Variants in CAMSAP2 observed in about 807,000 individuals in gnomAD.
The protein encoded by CAMSAP2 is calmodulin-regulated spectrin-associated protein 2.
Under a neutral mutation model 146.1 loss-of-function variants are expected in CAMSAP2, and 26 were observed. The observed-to-expected ratio is 0.18, with a 90% confidence interval of 0.13 to 0.25. The LOEUF (loss-of-function observed/expected upper bound fraction) is 0.25. CAMSAP2 is among the 10% of genes least tolerant of loss of function. CAMSAP2 has a pLI of 1.00. For missense variants in CAMSAP2, 1,381 were observed against 1,759.3 expected (o/e 0.78, Z 3.85); for synonymous variants, 499 against 596.6 (o/e 0.84, Z 2.38).
intron 3 of CAMSAP2, among the ~76,000 whole-genome samples, chr1:200,813,610 C>A (rs1666394594): frequency 1.3e-5 from 2 of 152,106 alleles, no homozygotes; most frequent in South Asian, 4.1e-4. Context: ...GTTGAATGTG[C>A]ACATACATGA....
chr1:200,807,609 C>A (rs1666214234), intron 3 of CAMSAP2, 72 bp downstream of exon 3: 5 of 1,035,954 alleles, frequency 4.8e-6, no homozygotes, highest in Non-Finnish European at 6.5e-6. Context: ...TATACATTGC[C>A]ACTTCATTAC....
chr1:200,843,007 G>T (rs1453286157), intron 7 of CAMSAP2, among the ~76,000 whole-genome samples: 1 of 151,484 alleles, frequency 6.6e-6, no homozygotes, highest in Non-Finnish European at 1.5e-5. Flanking sequence ...AAAACTAGAG[G>T]TTTATTTCTA....
rs901478330 is a variant in CAMSAP2 at position 200,747,986 on chromosome 1, C to CAAAAA, written c.139+8035_139+8039dup. Among the ~76,000 whole-genome samples the CAAAAA allele has an allele frequency of 2.0e-3, 139 of 68,784 alleles. 1 individual carries two copies. Among genetic ancestry groups the CAAAAA allele is most frequent in the African/African-American group, 6.0e-3 (125 of 21,006 alleles). 45.1% of individuals were successfully genotyped at this position (68,784 alleles called of 152,430 possible). On this transcript the variant is annotated intron_variant, in intron 1 of 16. Transcript: ENST00000358823. ...TGGGCGACAGAGCGAGACTCCGTCTCAAAAAAAAAAAAAAAAAAAGAAAAT... is the reference window on the plus strand; with the variant it reads ...TGGGCGACAGAGCGAGACTCCGTCTCAAAAAAAAAAAAAAAAAAAAAAAAGAAAAT...
chr1:200,849,604 T>C lies in CAMSAP2; in HGVS notation c.2835T>C (p.Ile945=). The C allele has an allele frequency of 6.2e-7, 1 of 1,614,200 alleles. No homozygotes were observed. The highest frequency in any genetic ancestry group is 8.5e-7 in the Non-Finnish European group (1 of 1,180,032). The change falls in exon 11 of 17, where the codon ATT becomes ATC. Residue 945 remains isoleucine (I), a synonymous_variant. Transcript: ENST00000358823. This position sits in a 1 kb window ranked among gnomAD's most constrained non-coding sequence, Gnocchi z 6.3. ...PSKQAGLSSA[I]APFSSDSPRP... is the part of the protein sequence containing the mutation. ...AGCAGGCAGGCCTGTCATCAGCCAT[T>C]GCACCATTCTCCTCAGACTCCCCTC...
rs1054379541 is a variant in CAMSAP2, at chr1:200,859,163, C to T, written c.*1104C>T. 1.3e-5 allele frequency: 2 copies of T among 152,622 alleles called. No homozygotes were observed. The highest frequency in any genetic ancestry group is 1.3e-4 in the Admixed American group (2 of 15,276). 9.5% of individuals were successfully genotyped at this position (152,622 alleles called of 1,614,324 possible). ...AATAAGTATACACTTGAAATCTCCT[C>T]TACATGATCTTTGTTCTTTAACAGT... On this transcript the variant is annotated 3_prime_UTR_variant, in exon 17 of 17. Transcript: ENST00000358823.
intron 1 of CAMSAP2, among the ~76,000 whole-genome samples, chr1:200,747,884 G>A (rs1444421811): frequency 6.6e-6 from 1 of 151,800 alleles, no homozygotes; most frequent in Non-Finnish European, 1.5e-5. Context: ...CTACTTGGGA[G>A]GCTGAGGCAG....
Position 200,858,122 on chromosome 1 carries a change from T to C in CAMSAP2, c.*63T>C. 2.2e-6 allele frequency: 3 copies of C among 1,380,912 alleles called. No individual in the cohort carries two copies. The highest frequency in any genetic ancestry group is 2.9e-6 in the Non-Finnish European group (3 of 1,019,992). The allele number at this position is 1,380,912 out of a possible 1,614,324, so 85.5% of individuals were successfully genotyped here. A position where few individuals can be genotyped will look rare whatever the true frequency, so the allele number is the denominator to read the frequency against. Reference sequence around the variant, plus strand: ...ATTTGCACTTCATCTTTCCTGCCTATAGAAAATCTTTCTAATTGCCAACAA... The same window carrying C: ...ATTTGCACTTCATCTTTCCTGCCTACAGAAAATCTTTCTAATTGCCAACAA... On this transcript the variant is annotated 3_prime_UTR_variant, in exon 17 of 17. Transcript: ENST00000358823.
chr1:200,832,050 A>G lies in CAMSAP2; in HGVS notation c.646-150A>G. 1 of 621,026 alleles carries G rather than the reference A, an allele frequency of 1.6e-6. No homozygotes were observed. The highest frequency in any genetic ancestry group is 2.7e-6 in the Non-Finnish European group (1 of 368,578). The allele number at this position is 621,026 out of a possible 1,614,324, so 38.5% of individuals were successfully genotyped here. ...CGTGTATTTAACTTTGGTAATACCT[A>G]GCGTTATTTAGAAAAAAAGAAATAT... On this transcript the variant is annotated intron_variant, in intron 4 of 16. Coordinates refer to ENST00000358823, the MANE Select transcript of CAMSAP2 (RefSeq NM_203459.4). The surrounding 1 kb of genome is among the most constrained non-coding windows in gnomAD (Gnocchi z 4.2).
chr1:200,743,539 A>C (rs968694406), intron 1 of CAMSAP2, among the ~76,000 whole-genome samples: 1 of 152,110 alleles, frequency 6.6e-6, no homozygotes, highest in Non-Finnish European at 1.5e-5. Flanking sequence ...GGCAAAAGAT[A>C]AGGTCCTGTG....
intron 4 of CAMSAP2, 47 bp downstream of exon 4, chr1:200,815,691 TG>T: frequency 1.1e-6 from 1 of 921,330 alleles, no homozygotes; most frequent in Non-Finnish European, 1.6e-6. Flanking sequence ...ACTGTATATA[TG>T]TTCACATATT....
At chr1:200,820,381 A>T (rs1341087901) in intron 4 of CAMSAP2, among the ~76,000 whole-genome samples, 2 of 152,190 alleles carry the variant, frequency 1.3e-5, no homozygotes, top group African/African-American at 4.8e-5. Flanking sequence ...TTAAAGATAC[A>T]TGTTTACTTA....
At chr1:200,817,948 T>G (rs1218104145) in intron 4 of CAMSAP2, among the ~76,000 whole-genome samples, 1 of 152,234 alleles carries the variant, frequency 6.6e-6, no homozygotes, top group African/African-American at 2.4e-5. Context: ...TTTCTGTCCT[T>G]GCCTCTTCCC....
At chr1:200,782,595 A>G (rs1665466396) in intron 2 of CAMSAP2, among the ~76,000 whole-genome samples, 1 of 151,912 alleles carries the variant, frequency 6.6e-6, no homozygotes, top group African/African-American at 2.4e-5. Context: ...TTTTGCTCAT[A>G]TTTTTGAGAT....
intron 1 of CAMSAP2, among the ~76,000 whole-genome samples, chr1:200,756,685 A>G (rs934399636): frequency 1.3e-5 from 2 of 152,192 alleles, no homozygotes; most frequent in African/African-American, 4.8e-5. Flanking sequence ...AAGCGTGTAC[A>G]AGGAGTAAAT....
intron 10 of CAMSAP2, 117 bp downstream of exon 10, chr1:200,847,826 GA>G: frequency 9.9e-7 from 1 of 1,010,104 alleles, no homozygotes. Context: ...TCCTAAATTT[GA>G]AAAAGGCAGT....
At chr1:200,804,075 C>T (rs1177867614) in intron 2 of CAMSAP2, among the ~76,000 whole-genome samples, 3 of 152,000 alleles carry the variant, frequency 2.0e-5, no homozygotes, top group South Asian at 2.1e-4. Flanking sequence ...TACAGGTGTC[C>T]GCCACCACGC....
At chr1:200,746,005 AG>A (rs1664311873) in intron 1 of CAMSAP2, among the ~76,000 whole-genome samples, 1 of 152,230 alleles carries the variant, frequency 6.6e-6, no homozygotes, top group African/African-American at 2.4e-5. Context: ...AAGGTATAAA[AG>A]AGTAGATCTT....
rs754322175 is a variant in CAMSAP2 at position 200,848,770 on chromosome 1, T to C, written c.2001T>C (p.Thr667=). ...AAGCTTTGAGTCCTTGTCCAAGTAC[T>C]GTAAGTACCAAGTCTCAGCCAGGCA... ...TREALSPCPS[T]VSTKSQPGSS... is the part of the protein sequence containing the mutation. Residue 667 remains threonine, a synonymous_variant, in exon 11 of 17, where the codon ACT becomes ACC. Coordinates refer to ENST00000358823, the MANE Select transcript of CAMSAP2 (RefSeq NM_203459.4). The C allele has an allele frequency of 6.8e-6, 11 of 1,614,054 alleles. No individual in the cohort carries two copies. In the East Asian group the frequency reaches 2.0e-4, roughly 29 times the overall value.
intron 4 of CAMSAP2, among the ~76,000 whole-genome samples, chr1:200,825,696 C>T (rs568113736): frequency 2.6e-5 from 4 of 152,114 alleles, no homozygotes; most frequent in African/African-American, 7.2e-5. Context: ...TTAGTAGACA[C>T]GGGGTTTCGC....
Sources: allele counts gnomAD v4.1 joint callset (sites outside exome capture counted in the v4.1 genomes callset), GRCh38; gene constraint gnomAD v4.1.1; non-coding constraint Gnocchi (gnomAD v3.1); transcripts MANE v1.5; gene names NCBI Gene and HGNC (gene_info 2026-07-23, HGNC 2026-07-21).